Variants in TEX10 observed in about 807,000 individuals in gnomAD.
TEX10 encodes the protein testis expressed 10, also known as testis-expressed protein 10.
Under a neutral mutation model 104.4 loss-of-function variants are expected in TEX10, and 24 were observed. The observed-to-expected ratio is 0.23, with a 90% CI of 0.17 to 0.32. TEX10 has a LOEUF of 0.32. Among genes scored for constraint, TEX10 ranks in the 10% least tolerant of loss-of-function variants. The probability of loss-of-function intolerance (pLI) is 1.00; values close to 1 mark genes in which losing one functional copy is unlikely to be tolerated. For missense variants in TEX10, 921 were observed against 1,083.9 expected (o/e 0.85, Z 2.11); for synonymous variants, 396 against 393.4 (o/e 1.01, Z -0.08).
intron 5 of TEX10, among the ~76,000 whole-genome samples, chr9:100,338,213 G>A (rs1353464485): frequency 2.0e-5 from 3 of 152,194 alleles, no homozygotes; most frequent in Admixed American, 6.5e-5. Context: ...ATTGCTGCCA[G>A]TGTTGATCGG....
chr9:100,331,434 C>T (rs907237896), intron 5 of TEX10, among the ~76,000 whole-genome samples: 1 of 152,080 alleles, frequency 6.6e-6, no homozygotes, highest in African/African-American at 2.4e-5. Context: ...GAGACCCTAT[C>T]ACTAAAAAAC....
At chr9:100,350,399 T>C (rs746852128) in intron 1 of TEX10, among the ~76,000 whole-genome samples, 4 of 152,172 alleles carry the variant, frequency 2.6e-5, no homozygotes, top group South Asian at 2.1e-4. Flanking sequence ...TCCTCATACA[T>C]AGTAAAACCT....
chr9:100,352,524 C>G, intron 1 of TEX10: 1 of 1,550,156 alleles, frequency 6.5e-7, no homozygotes, highest in Non-Finnish European at 8.7e-7. Context: ...AAAACTCTCT[C>G]GGACCCGAAA....
chr9:100,334,327 T>C (rs565877656), intron 5 of TEX10, among the ~76,000 whole-genome samples: 51 of 151,996 alleles, frequency 3.4e-4, no homozygotes, highest in East Asian at 7.7e-4. Flanking sequence ...TTCTTAACAA[T>C]AGAAACCAGG....
chr9:100,352,883 TG>T lies in TEX10; in HGVS notation c.-122del. 1 of 996,552 alleles carries T rather than the reference TG, an allele frequency of 1.0e-6. No individual in the cohort carries two copies. Among genetic ancestry groups the T allele is most frequent in the Non-Finnish European group, 1.2e-6 (1 of 838,110 alleles). 61.7% of individuals were successfully genotyped at this position (996,552 alleles called of 1,614,324 possible). Reference sequence around the variant, plus strand: ...ACCTCAGGCTCTAGCTCCCGGAGCGTGTTTTCAAATAGCCTCGTCCTCACGC... The same window carrying T: ...ACCTCAGGCTCTAGCTCCCGGAGCGTTTTTCAAATAGCCTCGTCCTCACGC... On this transcript the variant is annotated 5_prime_UTR_variant, in exon 1 of 15. Coordinates refer to ENST00000374902, the MANE Select transcript of TEX10 (RefSeq NM_017746.4).
chr9:100,309,727 T>A (rs549694003), intron 12 of TEX10, among the ~76,000 whole-genome samples: 2 of 152,222 alleles, frequency 1.3e-5, no homozygotes, highest in Non-Finnish European at 2.9e-5. Flanking sequence ...CTTTGTACTA[T>A]AACACATTAC....
At chr9:100,331,992 G>A (rs1464157799) in intron 5 of TEX10, among the ~76,000 whole-genome samples, 2 of 152,196 alleles carry the variant, frequency 1.3e-5, no homozygotes, top group South Asian at 2.1e-4. Context: ...ACTAAATTCA[G>A]AGATGATGAA....
intron 4 of TEX10, 144 bp downstream of exon 4, chr9:100,345,928 C>T: frequency 1.3e-6 from 1 of 785,292 alleles, no homozygotes; most frequent in Non-Finnish European, 1.9e-6. Context: ...TAGTTTTGTG[C>T]AAAACAAACA....
intron 9 of TEX10, among the ~76,000 whole-genome samples, chr9:100,324,556 CTG>C (rs1449086437): frequency 6.6e-6 from 1 of 152,094 alleles, no homozygotes; most frequent in African/African-American, 2.4e-5. Flanking sequence ...AAATATGAGT[CTG>C]TATTATCAGT....
At chr9:100,305,892 G>T (rs1834131158) in intron 13 of TEX10, 1 of 152,068 alleles carries the variant, frequency 6.6e-6, no homozygotes, top group South Asian at 2.1e-4. Flanking sequence ...AACCTCCACA[G>T]AACTCCCACA....
chr9:100,304,576 C>T (rs1243967168), intron 13 of TEX10: 1 of 152,114 alleles, frequency 6.6e-6, no homozygotes, highest in African/African-American at 2.4e-5. Context: ...AAAAAATTAA[C>T]TCGGCCAGGC....
intron 12 of TEX10, among the ~76,000 whole-genome samples, chr9:100,310,093 T>G (rs1232629640): frequency 1.3e-5 from 2 of 152,204 alleles, no homozygotes; most frequent in Admixed American, 1.3e-4. Context: ...GAAGAGACTT[T>G]TCCCAAGGTC....
intron 5 of TEX10, among the ~76,000 whole-genome samples, chr9:100,336,359 T>G (rs1835009120): frequency 6.6e-6 from 1 of 152,264 alleles, no homozygotes; most frequent in African/African-American, 2.4e-5. Context: ...TGTTCTGTAT[T>G]TACAGCTGCT....
intron 3 of TEX10, 83 bp downstream of exon 3, chr9:100,346,611 T>C (rs1156951577): frequency 1.4e-6 from 2 of 1,393,840 alleles, no homozygotes; most frequent in East Asian, 4.6e-5. Context: ...CAACTGCATG[T>C]CTTCCCACCA....
At chr9:100,345,542 C>T (rs1835280386) in intron 4 of TEX10, among the ~76,000 whole-genome samples, 1 of 152,184 alleles carries the variant, frequency 6.6e-6, no homozygotes, top group Non-Finnish European at 1.5e-5. Context: ...TTAGCACCAA[C>T]TTAATCTTGC....
chr9:100,320,297 C>G lies in TEX10; in HGVS notation c.2170G>C (p.Asp724His), dbSNP rs1440926414. ...ACATCCCAGTGGTGTAAAAATTGAT[C>G]CAAATCTGTAAGGTAGAGAAGCACA... ...SPVLLYLTDL[D>H]QFLHHWDVTE... Residue 724 changes from aspartate (D) to histidine (H), a missense_variant, in exon 11 of 15, where the codon GAT becomes CAT. Transcript: ENST00000374902. The G allele has an allele frequency of 3.1e-6, 5 of 1,612,180 alleles. No individual in the cohort carries two copies. In the Admixed American group the frequency reaches 8.4e-5, roughly 27 times the overall value.
chr9:100,323,167 C>T (rs897693590), intron 9 of TEX10, among the ~76,000 whole-genome samples: 2 of 152,200 alleles, frequency 1.3e-5, no homozygotes, highest in African/African-American at 4.8e-5. Flanking sequence ...ATTTATTTAA[C>T]AGCCTATTTA....
At chr9:100,314,141 G>A (rs146355703) in intron 11 of TEX10, among the ~76,000 whole-genome samples, 110 of 148,488 alleles carry the variant, frequency 7.4e-4, no homozygotes, top group Middle Eastern at 3.4e-3. Context: ...ACGCTGGAGT[G>A]CAGTGGCACT....
chr9:100,333,442 G>A (rs1394498165), intron 5 of TEX10, among the ~76,000 whole-genome samples: 2 of 152,046 alleles, frequency 1.3e-5, no homozygotes, highest in Non-Finnish European at 2.9e-5. Context: ...AAGCTATTTT[G>A]TAATTGTTGA....
Sources: allele counts gnomAD v4.1 joint callset (sites outside exome capture counted in the v4.1 genomes callset), GRCh38; gene constraint gnomAD v4.1.1; transcripts MANE v1.5; gene names NCBI Gene and HGNC (gene_info 2026-07-23, HGNC 2026-07-21).